SLC8A2: variants seen among roughly 807,000 people sequenced by gnomAD.
The protein encoded by SLC8A2 is solute carrier family 8 member A2.
A neutral mutation model predicts 70.2 loss-of-function variants in SLC8A2; 14 were observed. That is an observed-to-expected ratio of 0.20 (90% CI 0.13 to 0.31). The LOEUF is 0.31. Ranked by LOEUF, SLC8A2 falls within the 10% of genes least tolerant of loss-of-function variation. The pLI is 1.00. For synonymous variants in SLC8A2, 575 were observed against 594.3 expected (o/e 0.97, Z 0.47); for missense variants, 779 against 1,320.1 (o/e 0.59, Z 6.35).
intron 6 of SLC8A2, among the ~76,000 whole-genome samples, chr19:47,439,639 T>TTCCTTCCTTCCC (rs1967075587): frequency 6.6e-6 from 1 of 151,220 alleles, no homozygotes; most frequent in African/African-American, 2.4e-5. Flanking sequence ...CCTTCCTTCC[T>TTCCTTCCTTCCC]TCCTCCCCTC....
At chr19:47,458,482 G>A (rs1029472717) in intron 2 of SLC8A2, among the ~76,000 whole-genome samples, 2 of 121,784 alleles carry the variant, frequency 1.6e-5, no homozygotes, top group Non-Finnish European at 3.2e-5. Flanking sequence ...TTCTGTCTCT[G>A]TTCATCTCTG....
intron 2 of SLC8A2, among the ~76,000 whole-genome samples, chr19:47,458,439 TCCC>T (rs1018603874): frequency 2.4e-5 from 3 of 127,064 alleles, no homozygotes; most frequent in Non-Finnish European, 5.0e-5. Flanking sequence ...GTTCTCCGTT[TCCC>T]CCCATTTCTC....
Position 47,429,493 on chromosome 19 carries a change from G to A in SLC8A2, c.*596C>T, listed in dbSNP as rs1001297912. 1 of 153,164 alleles carries A rather than the reference G, an allele frequency of 6.5e-6. No homozygotes were observed. Among genetic ancestry groups the A allele is most frequent in the Non-Finnish European group, 1.5e-5 (1 of 68,422 alleles). The allele number at this position is 153,164 out of a possible 1,614,324, so 9.5% of individuals were successfully genotyped here. The stretch of plus-strand genomic sequence containing the variant: ...AGAATGAGTGTCCTCCCAAGAACCC[G>A]AGTGGAGGGATTGGAAGGAACGGTG... On this transcript the variant is annotated 3_prime_UTR_variant, in exon 10 of 10. Transcript: ENST00000236877.
At chr19:47,438,580 A>G (rs830161) in intron 6 of SLC8A2, among the ~76,000 whole-genome samples, 15,936 of 151,848 alleles carry the variant, frequency 0.1, 891 homozygotes, top group Middle Eastern at 0.16. Context: ...CTCTCCCCAA[A>G]GTATGCTGAC....
At chr19:47,446,233 G>A (rs1967160582) in intron 4 of SLC8A2, among the ~76,000 whole-genome samples, 1 of 151,758 alleles carries the variant, frequency 6.6e-6, no homozygotes, top group Non-Finnish European at 1.5e-5. Flanking sequence ...CGGGCATGCG[G>A]GGGCGGAAGA....
At chr19:47,454,857 G>A (rs550358235) in intron 3 of SLC8A2, among the ~76,000 whole-genome samples, 2 of 152,086 alleles carry the variant, frequency 1.3e-5, no homozygotes, top group Non-Finnish European at 2.9e-5. Context: ...AGGCCGAGGC[G>A]GGTGGATCAC....
intron 3 of SLC8A2, among the ~76,000 whole-genome samples, chr19:47,450,222 C>G (rs1183765609): frequency 1.3e-5 from 2 of 152,082 alleles, no homozygotes; most frequent in Non-Finnish European, 2.9e-5. Flanking sequence ...CTATCACTTT[C>G]ATATTAAAGG....
In SLC8A2 at chr19:47,432,366, C is replaced by T. The variant is rs1966975093; in HGVS notation, c.2190G>A (p.Thr730=). The change falls in exon 9 of 10, where the codon ACG becomes ACA. Residue 730 remains threonine (T), a synonymous_variant. Coordinates refer to ENST00000236877, the MANE Select transcript of SLC8A2 (RefSeq NM_015063.3). This position sits in a 1 kb window ranked among gnomAD's most constrained non-coding sequence, Gnocchi z 6.2. The part of the protein sequence containing the change: ...SCFDYVMHFL[T]VFWKVLFACV... Reference sequence around the variant, plus strand: ...AGGCGAAGAGCACCTTCCAGAACACCGTCAGGAAGTGCATCACGTAGTCAA... The same window carrying T: ...AGGCGAAGAGCACCTTCCAGAACACTGTCAGGAAGTGCATCACGTAGTCAA... 1.2e-6 allele frequency: 2 copies of T among 1,613,856 alleles called. No individual in the cohort carries two copies. Among genetic ancestry groups the T allele is most frequent in the African/African-American group, 1.3e-5 (1 of 74,916 alleles).
At chr19:47,446,660 C>T (rs1260172184) in intron 4 of SLC8A2, among the ~76,000 whole-genome samples, 1 of 152,160 alleles carries the variant, frequency 6.6e-6, no homozygotes, top group Non-Finnish European at 1.5e-5. Flanking sequence ...ATCCTCCCGC[C>T]TCAGTTTCCT....
intron 6 of SLC8A2, among the ~76,000 whole-genome samples, chr19:47,440,855 T>C (rs1275351095): frequency 6.6e-6 from 1 of 152,128 alleles, no homozygotes; most frequent in Non-Finnish European, 1.5e-5. Context: ...CCTCCCAAAG[T>C]GCTGGGATTA....
chr19:47,437,266 T>C (rs1187592742), intron 8 of SLC8A2, among the ~76,000 whole-genome samples, 196 bp downstream of exon 8: 1 of 152,012 alleles, frequency 6.6e-6, no homozygotes, highest in South Asian at 2.1e-4. Context: ...GGCACGATCA[T>C]GGCTCATTGC....
Position 47,448,094 on chromosome 19 carries a change from A to G in SLC8A2, c.1478T>C (p.Met493Thr). The change falls in exon 4 of 10, where the codon ATG (methionine) becomes ACG (threonine). Residue 493 changes from methionine to threonine, a missense_variant. Met to Thr is a moderately conservative substitution (Grantham distance 81). Transcript: ENST00000236877. This position sits in a 1 kb window ranked among gnomAD's most constrained non-coding sequence, Gnocchi z 4.8. The part of the protein sequence containing the change: ...LNLRVGDAQG[M>T]FEPDGGGRPK... ...CCGCCCGCCGCCGTCCGGCTCGAAC[A>G]TGCCCTGCGCGTCGCCCACGCGCAG... 1 of 1,607,352 alleles carries G rather than the reference A, an allele frequency of 6.2e-7. No homozygotes were observed.
intron 8 of SLC8A2, among the ~76,000 whole-genome samples, chr19:47,433,261 A>G (rs1433735591): frequency 6.6e-6 from 1 of 152,106 alleles, no homozygotes; most frequent in East Asian, 1.9e-4. Context: ...CCAGAGCCAC[A>G]GTCTCCACTA....
intron 4 of SLC8A2, among the ~76,000 whole-genome samples, chr19:47,444,557 C>T (rs1454428667): frequency 1.3e-5 from 2 of 152,226 alleles, no homozygotes; most frequent in East Asian, 3.9e-4. Flanking sequence ...TCCTCACACA[C>T]CCTGACACAC....
chr19:47,463,083 G>A (rs1374212895), intron 2 of SLC8A2, among the ~76,000 whole-genome samples: 1 of 151,668 alleles, frequency 6.6e-6, no homozygotes, highest in African/African-American at 2.4e-5. Flanking sequence ...CATGAGGGTA[G>A]TTGTGATGAA....
At chr19:47,459,481 CCTCCCTCTCT>C (rs983023534) in intron 2 of SLC8A2, among the ~76,000 whole-genome samples, 20 of 152,012 alleles carry the variant, frequency 1.3e-4, no homozygotes, top group African/African-American at 4.3e-4. Flanking sequence ...TCTCTCTCTC[CCTCCCTCTCT>C]CTCTTGCTCC....
chr19:47,438,875 A>G (rs542894932), intron 6 of SLC8A2, among the ~76,000 whole-genome samples: 229 of 152,100 alleles, frequency 1.5e-3, no homozygotes, highest in African/African-American at 5.3e-3. Flanking sequence ...CCAACTCCCA[A>G]CTCTGACACC....
intron 8 of SLC8A2, among the ~76,000 whole-genome samples, chr19:47,436,089 A>T (rs531224592): frequency 6.6e-6 from 1 of 152,210 alleles, no homozygotes; most frequent in East Asian, 1.9e-4. Flanking sequence ...AATGTGCCAT[A>T]ATCTCGCACA....
chr19:47,444,327 A>C (rs1967133171), intron 4 of SLC8A2, among the ~76,000 whole-genome samples: 1 of 152,124 alleles, frequency 6.6e-6, no homozygotes, highest in Non-Finnish European at 1.5e-5. Context: ...ATCTCAACAC[A>C]CAAACACGCA....
Sources: gnomAD v4.1 joint callset for allele counts (sites outside exome capture counted in the v4.1 genomes callset) on GRCh38, gnomAD v4.1.1 for gene constraint, Gnocchi (gnomAD v3.1) non-coding constraint, MANE v1.5 for transcripts, NCBI Gene and HGNC (gene_info 2026-07-23, HGNC 2026-07-21) for gene names.